The following SLIT3 variants were observed in gnomAD, a reference collection of about 807,000 sequenced individuals.
The protein encoded by SLIT3 is slit homolog 3 protein.
A neutral mutation model predicts 184.0 loss-of-function variants in SLIT3; 68 were observed. The ratio of observed to expected loss-of-function variants is 0.37; its 90% CI spans 0.30 to 0.45. The LOEUF (loss-of-function observed/expected upper bound fraction) is 0.45, where lower values mean the gene tolerates loss of function less well. Among genes scored for constraint, SLIT3 ranks in the 20% least tolerant of loss-of-function variants. SLIT3 has a pLI of 1.00. For missense variants in SLIT3, 1,707 were observed against 2,026.0 expected, an observed-to-expected ratio of 0.84 and a Z score of 3.02; for synonymous variants, 831 against 828.6, an observed-to-expected ratio of 1.00 and a Z score of -0.05.
chr5:168,989,427 A>C (rs1391122967), intron 4 of SLIT3, among the ~76,000 whole-genome samples: 2 of 152,192 alleles, frequency 1.3e-5, no homozygotes, highest in African/African-American at 4.8e-5. Context: ...ACAGCAGGAG[A>C]CTTGCAGCAA....
intron 3 of SLIT3, among the ~76,000 whole-genome samples, chr5:169,226,510 A>C (rs1411732679): frequency 6.6e-6 from 1 of 152,138 alleles, no homozygotes; most frequent in Non-Finnish European, 1.5e-5. Flanking sequence ...GGGACTAAAA[A>C]CAAATTGGGT....
chr5:168,823,425 GCAAGACCATGAGT>G (rs1349637452), intron 6 of SLIT3, 94 bp from the exon 7 acceptor site: 1 of 841,954 alleles, frequency 1.2e-6, no homozygotes, highest in African/African-American at 1.7e-5. Flanking sequence ...GGTTGTGACC[GCAAGACCATGAGT>G]CAACAGTCAT....
intron 4 of SLIT3, among the ~76,000 whole-genome samples, chr5:169,164,254 A>T (rs1406621613): frequency 6.6e-6 from 1 of 152,158 alleles, no homozygotes; most frequent in Non-Finnish European, 1.5e-5. Flanking sequence ...AGCCAATGGG[A>T]GGGAAAATGG....
At chr5:169,215,269 T>C (rs1175771805) in intron 3 of SLIT3, among the ~76,000 whole-genome samples, 1 of 152,188 alleles carries the variant, frequency 6.6e-6, no homozygotes. Flanking sequence ...TTGTTCTATC[T>C]GGAATACTTT....
intron 8 of SLIT3, among the ~76,000 whole-genome samples, chr5:168,816,975 G>A (rs1357404011): frequency 6.6e-6 from 1 of 152,210 alleles, no homozygotes; most frequent in African/African-American, 2.4e-5. Context: ...GCAGATGCTA[G>A]AACACCTCCG....
At chr5:168,734,378 C>A (rs1763373857) in intron 20 of SLIT3, among the ~76,000 whole-genome samples, 1 of 152,196 alleles carries the variant, frequency 6.6e-6, no homozygotes, top group Non-Finnish European at 1.5e-5. Flanking sequence ...TCCAACTCCA[C>A]TGGCCTTAAC....
At chr5:168,699,495 T>C (rs1762156660) in intron 27 of SLIT3, among the ~76,000 whole-genome samples, 2 of 152,180 alleles carry the variant, frequency 1.3e-5, no homozygotes, top group African/African-American at 4.8e-5. Context: ...CCAGTGAAAC[T>C]GGGCATCTAA....
chr5:169,256,801 G>C (rs1211068236), intron 1 of SLIT3, among the ~76,000 whole-genome samples: 1 of 152,126 alleles, frequency 6.6e-6, no homozygotes, highest in African/African-American at 2.4e-5. Flanking sequence ...GAAGGCTCCC[G>C]AGTTATTGTG....
chr5:169,068,999 T>A (rs1306416676), intron 4 of SLIT3, among the ~76,000 whole-genome samples: 2 of 152,198 alleles, frequency 1.3e-5, no homozygotes, highest in Non-Finnish European at 2.9e-5. Context: ...TGGATAGGCA[T>A]GAACCCTACC....
chr5:169,216,182 T>C (rs1219781809), intron 3 of SLIT3, among the ~76,000 whole-genome samples: 1 of 152,102 alleles, frequency 6.6e-6, no homozygotes, highest in Non-Finnish European at 1.5e-5. Flanking sequence ...CCACCTGCCC[T>C]GATCAGCTCA....
intron 10 of SLIT3, 69 bp from the exon 11 acceptor site, chr5:168,789,700 A>C (rs1756287689): frequency 1.8e-6 from 2 of 1,129,502 alleles, no homozygotes; most frequent in Admixed American, 1.8e-5. Flanking sequence ...CCTAAGTGTG[A>C]ATCAAGCATT....
At position 168,806,554 on chromosome 5, in the gene SLIT3, T is replaced by C; in HGVS notation, c.827A>G (p.Asn276Ser). 1 of 1,613,934 alleles carries C rather than the reference T, an allele frequency of 6.2e-7. No homozygotes were observed. The highest frequency in any genetic ancestry group is 1.1e-5 in the South Asian group (1 of 91,064). ...PHSEPPSCNA[N>S]SISCPSPCTC... The stretch of plus-strand genomic sequence containing the variant: ...GCAGGGCGAAGGGCAGGAGATGGAG[T>C]TGGCATTGCAGGATGGGGGCTCCGA... The change falls in exon 9 of 36, where the codon AAC becomes AGC. Residue 276 changes from asparagine to serine, a missense_variant. By Grantham distance (46) the Asn-to-Ser change is conservative. Around this residue, in one of 3 missense-constraint regions of SLIT3, gnomAD observed 1,307 missense variants for 1,511.6 expected, o/e 0.86. Coordinates refer to ENST00000519560, the MANE Select transcript of SLIT3 (RefSeq NM_003062.4).
intron 23 of SLIT3, among the ~76,000 whole-genome samples, chr5:168,713,251 G>C (rs1762616820): frequency 6.6e-6 from 1 of 152,120 alleles, no homozygotes. Context: ...CACCCCACTT[G>C]GTATTAATCA....
chr5:169,205,286 T>TG (rs1380879603), intron 3 of SLIT3, among the ~76,000 whole-genome samples: 5 of 152,212 alleles, frequency 3.3e-5, no homozygotes, highest in African/African-American at 4.8e-5. Context: ...ACCACAGCCC[T>TG]GGTTTCCTCC....
At chr5:169,161,546 T>A (rs748807509) in intron 4 of SLIT3, among the ~76,000 whole-genome samples, 2 of 152,072 alleles carry the variant, frequency 1.3e-5, no homozygotes, top group African/African-American at 2.4e-5. Flanking sequence ...ATGATAAACC[T>A]CGGTGCCAGA....
intron 18 of SLIT3, 42 bp downstream of exon 18, chr5:168,752,913 G>A: frequency 6.3e-7 from 1 of 1,597,814 alleles, no homozygotes; most frequent in Non-Finnish European, 8.6e-7. Flanking sequence ...GCTGCAGAGT[G>A]GGATCCCAGA....
intron 4 of SLIT3, among the ~76,000 whole-genome samples, chr5:169,111,925 C>T (rs954270401): frequency 6.6e-6 from 1 of 152,034 alleles, no homozygotes; most frequent in Non-Finnish European, 1.5e-5. Flanking sequence ...TTGGGTCTTC[C>T]CTATGTCTAG....
intron 4 of SLIT3, among the ~76,000 whole-genome samples, chr5:169,071,451 G>A (rs370153931): frequency 9.9e-5 from 15 of 152,280 alleles, no homozygotes; most frequent in Middle Eastern, 3.4e-3. Flanking sequence ...AGCGTTTGAG[G>A]GAAAGGTAGT....
intron 4 of SLIT3, among the ~76,000 whole-genome samples, chr5:168,924,934 A>T (rs1761766011): frequency 6.6e-6 from 1 of 152,202 alleles, no homozygotes; most frequent in African/African-American, 2.4e-5. Context: ...CTGAGATCCC[A>T]TCATAAGGTA....
Sources: allele counts gnomAD v4.1 joint callset (sites outside exome capture counted in the v4.1 genomes callset), GRCh38; gene constraint gnomAD v4.1.1; regional missense constraint gnomAD v4.1.1; transcripts MANE v1.5; gene names NCBI Gene and HGNC (gene_info 2026-07-23, HGNC 2026-07-21).